Variants in BIRC6 observed in about 807,000 individuals in gnomAD.
BIRC6 encodes dual E2 ubiquitin-conjugating enzyme/E3 ubiquitin-protein ligase BIRC6.
Under a neutral mutation model 503.3 loss-of-function variants are expected in BIRC6, and 98 were observed. The ratio of observed to expected loss-of-function variants is 0.19; its 90% CI spans 0.17 to 0.23. The LOEUF (loss-of-function observed/expected upper bound fraction) is 0.23, where lower values mean the gene tolerates loss of function less well. Ranked by LOEUF, BIRC6 falls within the 10% of genes least tolerant of loss-of-function variation. BIRC6 has a pLI of 1.00. For synonymous variants in BIRC6, 2,240 were observed against 2,078.7 expected (o/e 1.08, Z -2.11); for missense variants, 5,360 against 5,806.0 (o/e 0.92, Z 2.50).
At chr2:32,385,723 T>G (rs2038351555) in intron 3 of BIRC6, among the ~76,000 whole-genome samples, 1 of 152,228 alleles carries the variant, frequency 6.6e-6, no homozygotes, top group Admixed American at 6.5e-5. Context: ...CAGTCTGGTC[T>G]TGTTGCAGAG....
chr2:32,516,285 G>A (rs1001416699), intron 55 of BIRC6, among the ~76,000 whole-genome samples: 29 of 151,802 alleles, frequency 1.9e-4, no homozygotes, highest in Admixed American at 7.2e-4. Context: ...AGGCTGAGGC[G>A]GGCAGATTGC....
intron 61 of BIRC6, among the ~76,000 whole-genome samples, chr2:32,537,057 CTGTT>C (rs1572881904): frequency 2.0e-5 from 3 of 152,234 alleles, no homozygotes; most frequent in Admixed American, 6.5e-5. Context: ...ATTTGGCTCT[CTGTT>C]TGTCTGTTAC....
intron 69 of BIRC6, among the ~76,000 whole-genome samples, chr2:32,598,447 T>C (rs1022323415): frequency 2.0e-5 from 3 of 152,170 alleles, no homozygotes; most frequent in African/African-American, 7.2e-5. Context: ...AACTTAGTCA[T>C]TTTCTGTCTT....
At chr2:32,440,941 G>T (rs909802231) in intron 16 of BIRC6, among the ~76,000 whole-genome samples, 1 of 151,662 alleles carries the variant, frequency 6.6e-6, no homozygotes, top group Non-Finnish European at 1.5e-5. Context: ...TGTATTTTTT[G>T]GTAGAGATAG....
intron 1 of BIRC6, among the ~76,000 whole-genome samples, chr2:32,362,318 GT>G (rs766604562): frequency 5.2e-4 from 72 of 137,472 alleles, no homozygotes; most frequent in Middle Eastern, 3.8e-3. Flanking sequence ...TGCTGACTTT[GT>G]TTTTTTTTTT....
At chr2:32,596,672 T>C (rs548042201) in intron 68 of BIRC6, among the ~76,000 whole-genome samples, 6 of 152,268 alleles carry the variant, frequency 3.9e-5, no homozygotes, top group Non-Finnish European at 8.8e-5. Context: ...TGTGTTTCTG[T>C]TGGACATAAA....
intron 39 of BIRC6, among the ~76,000 whole-genome samples, chr2:32,483,128 G>C (rs1223912934): frequency 6.6e-6 from 1 of 151,976 alleles, no homozygotes; most frequent in Non-Finnish European, 1.5e-5. Flanking sequence ...TGTTGGCCAG[G>C]CTGGTCTCGA....
intron 64 of BIRC6, 45 bp from the exon 65 acceptor site, chr2:32,549,268 G>T (rs1190921091): frequency 7.5e-7 from 1 of 1,339,306 alleles, no homozygotes; most frequent in Non-Finnish European, 9.8e-7. Flanking sequence ...AAAAACTTTT[G>T]AAGTATGTGA....
At chr2:32,453,974 A>G (rs982570061) in intron 23 of BIRC6, 32 bp downstream of exon 23, 8 of 1,544,168 alleles carry the variant, frequency 5.2e-6, no homozygotes, top group African/African-American at 1.4e-5. Flanking sequence ...TTCTTTTATT[A>G]TATACTTTAT....
chr2:32,467,616 A>G lies in BIRC6; in HGVS notation c.5448A>G (p.Ser1816=). ...CTTGTGGAGACTTGGCCTCTTTGTCAATTGACATTTGGACATTAGGAGAAG... is the reference window on the plus strand; with the variant it reads ...CTTGTGGAGACTTGGCCTCTTTGTCGATTGACATTTGGACATTAGGAGAAG... ...IPTCGDLASL[S]IDIWTLGEEV... is the part of the protein sequence containing the mutation. The change falls in exon 27 of 74, where the codon TCA becomes TCG. Residue 1816 remains serine (S), a synonymous_variant. Transcript: ENST00000421745. 1 of 1,613,890 alleles carries G rather than the reference A, an allele frequency of 6.2e-7. No individual in the cohort carries two copies. The highest frequency in any genetic ancestry group is 8.5e-7 in the Non-Finnish European group (1 of 1,179,860).
At chr2:32,544,617 G>C in intron 62 of BIRC6, among the ~76,000 whole-genome samples, 1 of 151,076 alleles carries the variant, frequency 6.6e-6, no homozygotes, top group Non-Finnish European at 1.5e-5. Context: ...ATGCCATTTA[G>C]AAAGAATAAA....
At chr2:32,531,963 T>C (rs910724107) in intron 61 of BIRC6, among the ~76,000 whole-genome samples, 2 of 152,232 alleles carry the variant, frequency 1.3e-5, no homozygotes, top group South Asian at 4.1e-4. Flanking sequence ...TTTCCATTTT[T>C]GGTGGTTTAA....
At chr2:32,613,192 TTTGTTTGTTTGTTTGTTTG>T (rs1371889417) in intron 73 of BIRC6, among the ~76,000 whole-genome samples, 2 of 148,584 alleles carry the variant, frequency 1.3e-5, no homozygotes, top group African/African-American at 5.0e-5. Context: ...GACTGGTTTG[TTTGTTTGTTTGTTTGTTTG>T]TTTCTGAGAC....
At chr2:32,390,112 G>T (rs1289256888) in intron 4 of BIRC6, among the ~76,000 whole-genome samples, 1 of 151,914 alleles carries the variant, frequency 6.6e-6, no homozygotes, top group African/African-American at 2.4e-5. Context: ...TACCTGCCTT[G>T]GCCTCCCAAA....
chr2:32,470,499 T>C (rs1362043488), intron 31 of BIRC6, among the ~76,000 whole-genome samples, 198 bp downstream of exon 31: 2 of 152,180 alleles, frequency 1.3e-5, no homozygotes, highest in East Asian at 1.9e-4. Context: ...TTCCTTTTCA[T>C]TATTTGAACT....
At chr2:32,419,199 A>G (rs1255419083) in intron 10 of BIRC6, among the ~76,000 whole-genome samples, 1 of 152,250 alleles carries the variant, frequency 6.6e-6, no homozygotes, top group Non-Finnish European at 1.5e-5. Context: ...ATGTATGTAC[A>G]TGTATGATTT....
At chr2:32,375,642 C>T (rs1052938475) in intron 1 of BIRC6, among the ~76,000 whole-genome samples, 4 of 151,756 alleles carry the variant, frequency 2.6e-5, no homozygotes, top group African/African-American at 4.8e-5. Context: ...GCTGTGGTTG[C>T]GTGCCATTTC....
intron 45 of BIRC6, among the ~76,000 whole-genome samples, chr2:32,495,185 A>G (rs1171784484): frequency 1.3e-5 from 2 of 152,314 alleles, no homozygotes; most frequent in Admixed American, 1.3e-4. Context: ...AACTTTTAAT[A>G]TATTTGCTCT....
chr2:32,520,033 A>G (rs1254059686), intron 57 of BIRC6, among the ~76,000 whole-genome samples: 2 of 152,240 alleles, frequency 1.3e-5, no homozygotes, highest in Admixed American at 1.3e-4. Context: ...GCATTATAAC[A>G]TGAATATAAG....
Sources: allele counts gnomAD v4.1 joint callset (sites outside exome capture counted in the v4.1 genomes callset), GRCh38; gene constraint gnomAD v4.1.1; transcripts MANE v1.5; gene names NCBI Gene and HGNC (gene_info 2026-07-23, HGNC 2026-07-21).